Variants in DENND1A observed in about 807,000 individuals in gnomAD.
DENND1A encodes DENN domain containing 1A.
Under a neutral mutation model 113.7 loss-of-function variants are expected in DENND1A, and 51 were observed. The ratio of observed to expected loss-of-function variants is 0.45; its 90% CI spans 0.36 to 0.57. The LOEUF (loss-of-function observed/expected upper bound fraction) is 0.57, where lower values mean the gene tolerates loss of function less well. Among genes scored for constraint, DENND1A ranks in the 20% least tolerant of loss-of-function variants. The pLI, the probability that DENND1A is intolerant of heterozygous loss-of-function variation, is 0.00. For synonymous variants in DENND1A, 565 were observed against 570.8 expected, an observed-to-expected ratio of 0.99 and a Z score of 0.14; for missense variants, 1,258 against 1,395.9, an observed-to-expected ratio of 0.90 and a Z score of 1.57.
intron 13 of DENND1A, among the ~76,000 whole-genome samples, chr9:123,512,044 C>T (rs572818516): frequency 1.3e-5 from 2 of 152,104 alleles, no homozygotes; most frequent in African/African-American, 4.8e-5. Context: ...AGTAGGTCAC[C>T]GTGTTCCTGG....
intron 11 of DENND1A, among the ~76,000 whole-genome samples, chr9:123,594,705 G>A (rs1292306364): frequency 6.6e-6 from 1 of 152,120 alleles, no homozygotes; most frequent in Admixed American, 6.6e-5. Flanking sequence ...ATTTGCCCGT[G>A]TTCTTACAAC....
intron 5 of DENND1A, among the ~76,000 whole-genome samples, chr9:123,745,264 C>T (rs543025596): frequency 1.3e-5 from 2 of 152,324 alleles, no homozygotes; most frequent in East Asian, 3.9e-4. Context: ...AGATAATGAT[C>T]AACTTTCTCT....
At chr9:123,426,239 G>A (rs759549335) in intron 19 of DENND1A, among the ~76,000 whole-genome samples, 1 of 152,172 alleles carries the variant, frequency 6.6e-6, no homozygotes, top group Non-Finnish European at 1.5e-5. Flanking sequence ...CATTCGGGAG[G>A]CTGCAGGCCC....
chr9:123,880,888 C>T (rs7862026), intron 1 of DENND1A, among the ~76,000 whole-genome samples: 5,795 of 152,130 alleles, frequency 0.038, 116 homozygotes, highest in Middle Eastern at 0.048. Context: ...CCTAGTAATA[C>T]CTTAAATAAA....
rs1426353926 is a variant in DENND1A, at chr9:123,764,609, T to C, written c.182+4905A>G. ...ACACTTCGAGACAGAACGCAATGCC[T>C]ACCTGCTGGAGAAACTCACCAGACA... On this transcript the variant is annotated intron_variant, in intron 4 of 23. Transcript: ENST00000394215. This position sits in a 1 kb window ranked among gnomAD's most constrained non-coding sequence, Gnocchi z 4.1. 6.6e-6 allele frequency among the ~76,000 whole-genome samples: 1 copy of C among 152,210 alleles called. No individual in the cohort carries two copies. The highest frequency in any genetic ancestry group is 1.9e-4 in the East Asian group (1 of 5,198).
intron 13 of DENND1A, among the ~76,000 whole-genome samples, chr9:123,515,324 T>C (rs1241804864): frequency 6.6e-6 from 1 of 152,258 alleles, no homozygotes; most frequent in Non-Finnish European, 1.5e-5. Flanking sequence ...ATTGTAACAA[T>C]TTCAAATATC....
At chr9:123,413,735 CG>C (rs2044493832) in intron 19 of DENND1A, 1 of 985,382 alleles carries the variant, frequency 1.0e-6, no homozygotes, top group African/African-American at 1.7e-5. Flanking sequence ...GACAGCTACC[CG>C]GGAGTTGGGG....
chr9:123,732,113 C>A (rs1403086345), intron 5 of DENND1A, among the ~76,000 whole-genome samples: 1 of 152,232 alleles, frequency 6.6e-6, no homozygotes, highest in African/African-American at 2.4e-5. Flanking sequence ...GATACAACAA[C>A]CACTTTGGAA....
chr9:123,604,715 C>G (rs142834525), intron 11 of DENND1A, among the ~76,000 whole-genome samples: 43 of 152,310 alleles, frequency 2.8e-4, no homozygotes, highest in African/African-American at 9.6e-4. Flanking sequence ...AAGCCTGGTA[C>G]CGTGCCTCTG....
At chr9:123,756,091 T>C (rs1280880540) in intron 5 of DENND1A, among the ~76,000 whole-genome samples, 2 of 152,184 alleles carry the variant, frequency 1.3e-5, no homozygotes, top group Non-Finnish European at 2.9e-5. Context: ...TTGTATTTTT[T>C]AGTTAGAGAC....
At chr9:123,746,390 T>C (rs2069508941) in intron 5 of DENND1A, among the ~76,000 whole-genome samples, 2 of 152,082 alleles carry the variant, frequency 1.3e-5, no homozygotes, top group Admixed American at 1.3e-4. Context: ...TTAAAAAGAT[T>C]GAAAAAAAAT....
intron 9 of DENND1A, among the ~76,000 whole-genome samples, chr9:123,647,805 T>C (rs1473785666): frequency 1.3e-5 from 2 of 152,316 alleles, no homozygotes; most frequent in South Asian, 2.1e-4. Context: ...TCTCTGTTGG[T>C]AGTCATGAGA....
At chr9:123,865,003 A>G (rs905424802) in intron 2 of DENND1A, among the ~76,000 whole-genome samples, 7 of 152,208 alleles carry the variant, frequency 4.6e-5, no homozygotes, top group African/African-American at 1.7e-4. Context: ...CAGGGTCCCT[A>G]CATACTAATC....
At chr9:123,918,039 G>A (rs1204118784) in intron 1 of DENND1A, among the ~76,000 whole-genome samples, 1 of 151,512 alleles carries the variant, frequency 6.6e-6, no homozygotes, top group African/African-American at 2.4e-5. Flanking sequence ...GCGTGAGCCC[G>A]GAAGGCAGAG....
intron 21 of DENND1A, among the ~76,000 whole-genome samples, chr9:123,396,002 C>T (rs963104242): frequency 5.3e-5 from 8 of 151,856 alleles, no homozygotes; most frequent in African/African-American, 1.5e-4. Flanking sequence ...TGTGTGCACG[C>T]GTGTGAGACA....
At chr9:123,835,029 T>C (rs1003663263) in intron 2 of DENND1A, among the ~76,000 whole-genome samples, 7 of 151,776 alleles carry the variant, frequency 4.6e-5, no homozygotes, top group African/African-American at 1.7e-4. Flanking sequence ...CCAGGCAACA[T>C]TAATTACAAA....
At chr9:123,794,160 C>A (rs576018542) in intron 2 of DENND1A, among the ~76,000 whole-genome samples, 32 of 152,256 alleles carry the variant, frequency 2.1e-4, no homozygotes, top group African/African-American at 7.2e-4. Context: ...GGCCAGCGGG[C>A]ACCAAGAGTG....
chr9:123,723,644 C>A (rs2067496245), intron 5 of DENND1A, among the ~76,000 whole-genome samples: 1 of 152,132 alleles, frequency 6.6e-6, no homozygotes, highest in South Asian at 2.1e-4. Flanking sequence ...AGTTTCCCTG[C>A]ACCAGCTCTA....
At chr9:123,572,455 C>T (rs1442442482) in intron 12 of DENND1A, among the ~76,000 whole-genome samples, 1 of 152,166 alleles carries the variant, frequency 6.6e-6, no homozygotes, top group East Asian at 1.9e-4. Flanking sequence ...CCTGGTCATA[C>T]AGTAAACATA....
Sources: allele counts gnomAD v4.1 joint callset (sites outside exome capture counted in the v4.1 genomes callset), GRCh38; gene constraint gnomAD v4.1.1; non-coding constraint Gnocchi (gnomAD v3.1); transcripts MANE v1.5; gene names NCBI Gene and HGNC (gene_info 2026-07-23, HGNC 2026-07-21).